Variants in NRG2 observed in about 807,000 individuals in gnomAD.
NRG2 encodes the protein pro-neuregulin-2, membrane-bound isoform.
In NRG2, 27 loss-of-function variants were observed where a neutral mutation model predicts 73.9. That is an observed-to-expected ratio of 0.37 (90% CI 0.27 to 0.50). The LOEUF (loss-of-function observed/expected upper bound fraction) is 0.50. Ranked by LOEUF, NRG2 falls within the 20% of genes least tolerant of loss-of-function variation. The pLI is 0.96. For missense variants in NRG2, 1,126 were observed against 1,210.1 expected (o/e 0.93, Z 1.03); for synonymous variants, 532 against 541.0 (o/e 0.98, Z 0.23).
chr5:139,855,007 G>A (rs1234196450), intron 6 of NRG2, among the ~76,000 whole-genome samples: 2 of 152,126 alleles, frequency 1.3e-5, no homozygotes, highest in Non-Finnish European at 2.9e-5. Context: ...GAGTACAGTT[G>A]ACCCTCATCT....
chr5:139,941,411 T>C (rs1045766706), intron 1 of NRG2, among the ~76,000 whole-genome samples: 4 of 152,192 alleles, frequency 2.6e-5, no homozygotes, highest in African/African-American at 9.7e-5. Context: ...TTAATTATGA[T>C]GCAAATCTAG....
In NRG2 at chr5:139,847,916, C is replaced by T. The variant is rs1307977263; in HGVS notation, c.*1G>A. The T allele has an allele frequency of 6.1e-6, 9 of 1,481,094 alleles. No homozygotes were observed. The highest frequency in any genetic ancestry group is 2.4e-4 in the Middle Eastern group (1 of 4,208). 91.7% of individuals were successfully genotyped at this position (1,481,094 alleles called of 1,614,324 possible). A position where few individuals can be genotyped will look rare whatever the true frequency, so the allele number is the denominator to read the frequency against. On this transcript the variant is annotated 3_prime_UTR_variant, in exon 10 of 10. Coordinates refer to ENST00000361474, the MANE Select transcript of NRG2 (RefSeq NM_004883.3). The stretch of plus-strand genomic sequence containing the variant: ...GGGGCGGAGGGGCGCGCGGCGGGGC[C>T]CTAGAGTGGCGCCGAGTCCTGCTTG...
intron 1 of NRG2, among the ~76,000 whole-genome samples, chr5:140,012,250 G>A (rs1759422931): frequency 6.6e-6 from 1 of 152,140 alleles, no homozygotes; most frequent in African/African-American, 2.4e-5. Flanking sequence ...CGGGGTTTAG[G>A]TATCCTTCAC....
At chr5:139,848,751 A>T in intron 9 of NRG2, 54 bp from the exon 10 acceptor site, 21 of 40,912 alleles carry the variant, frequency 5.1e-4, no homozygotes, top group African/African-American at 9.0e-4. Context: ...GGCGCGGGGG[A>T]GGGGGGGTTG....
At chr5:139,848,766 TGGG>T in intron 9 of NRG2, 69 bp from the exon 10 acceptor site, 1 of 34,408 alleles carries the variant, frequency 2.9e-5, no homozygotes, top group Non-Finnish European at 5.3e-5. Context: ...GGGTTGGGGG[TGGG>T]GTAGGGTGGG....
chr5:139,937,473 GA>G, intron 1 of NRG2, among the ~76,000 whole-genome samples: 1 of 150,270 alleles, frequency 6.7e-6, no homozygotes, highest in African/African-American at 2.4e-5. Flanking sequence ...AATGTAAGTG[GA>G]AAAAAAAAGA....
intron 1 of NRG2, among the ~76,000 whole-genome samples, chr5:139,903,011 G>A (rs1764985454): frequency 1.3e-5 from 2 of 152,318 alleles, no homozygotes; most frequent in African/African-American, 2.4e-5. Flanking sequence ...TGGAAATAGT[G>A]TTTGACGCCT....
chr5:139,998,826 G>A (rs1178610883), intron 1 of NRG2, among the ~76,000 whole-genome samples: 1 of 152,208 alleles, frequency 6.6e-6, no homozygotes, highest in African/African-American at 2.4e-5. Context: ...TATAGGAATA[G>A]GGGAAGATAG....
At chr5:140,022,258 C>A (rs1413940878) in intron 1 of NRG2, among the ~76,000 whole-genome samples, 1 of 152,178 alleles carries the variant, frequency 6.6e-6, no homozygotes, top group African/African-American at 2.4e-5. Context: ...CTACCAAAAT[C>A]CAACTTGACC....
At chr5:139,975,661 G>T (rs1756330144) in intron 1 of NRG2, among the ~76,000 whole-genome samples, 1 of 152,154 alleles carries the variant, frequency 6.6e-6, no homozygotes, top group Non-Finnish European at 1.5e-5. Context: ...AGGCTGGCTG[G>T]GGCAGCTGGG....
At chr5:139,857,509 CT>C (rs11302530) in intron 5 of NRG2, among the ~76,000 whole-genome samples, 10,164 of 152,036 alleles carry the variant, frequency 0.067, 922 homozygotes, top group African/African-American at 0.2. Context: ...GTGAACTGTG[CT>C]TGTCTCAGTG....
chr5:139,971,729 T>G (rs1755985099), intron 1 of NRG2, among the ~76,000 whole-genome samples: 2 of 152,326 alleles, frequency 1.3e-5, no homozygotes, highest in Admixed American at 1.3e-4. Context: ...GTGCAGGATC[T>G]ATCAATAGAA....
chr5:139,979,999 G>GAAACA (rs769415891), intron 1 of NRG2, among the ~76,000 whole-genome samples: 3 of 152,166 alleles, frequency 2.0e-5, no homozygotes, highest in Non-Finnish European at 2.9e-5. Context: ...GGTAACACCA[G>GAAACA]AAACAAAACA....
intron 1 of NRG2, among the ~76,000 whole-genome samples, chr5:140,030,425 A>G (rs1682433999): frequency 6.6e-6 from 1 of 152,186 alleles, no homozygotes; most frequent in African/African-American, 2.4e-5. Context: ...ACCATTCACC[A>G]GAGGCCCTGA....
chr5:139,990,065 G>C lies in NRG2; in HGVS notation c.700+52305C>G, dbSNP rs1035205843. Among the ~76,000 whole-genome samples the C allele has an allele frequency of 1.1e-4, 16 of 152,026 alleles. No homozygotes were observed. The South Asian group carries it at 3.3e-3, about 32-fold the overall frequency. ...GGCCTCCCAAAGTGCTGGGATTACA[G>C]GCGTGAGCCACTGTGCCTGGCCTTA... On this transcript the variant is annotated intron_variant, in intron 1 of 9. Coordinates refer to ENST00000361474, the MANE Select transcript of NRG2 (RefSeq NM_004883.3).
intron 1 of NRG2, among the ~76,000 whole-genome samples, chr5:139,918,400 A>G (rs1561679263): frequency 6.6e-6 from 1 of 152,176 alleles, no homozygotes; most frequent in African/African-American, 2.4e-5. Context: ...TTTTTAGCTA[A>G]AAAAAACTAA....
intron 5 of NRG2, among the ~76,000 whole-genome samples, chr5:139,858,385 T>A (rs1761940569): frequency 6.6e-6 from 1 of 152,120 alleles, no homozygotes; most frequent in Non-Finnish European, 1.5e-5. Context: ...CTCAGATAAA[T>A]CTTCCCTGAC....
chr5:139,962,258 G>A (rs1433230798), intron 1 of NRG2, among the ~76,000 whole-genome samples: 2 of 152,198 alleles, frequency 1.3e-5, no homozygotes, highest in Non-Finnish European at 2.9e-5. Context: ...GTGCCAGAAC[G>A]GGGGATAGCT....
At chr5:139,924,263 A>G (rs1751886755) in intron 1 of NRG2, among the ~76,000 whole-genome samples, 1 of 152,160 alleles carries the variant, frequency 6.6e-6, no homozygotes, top group Non-Finnish European at 1.5e-5. Context: ...TCAGAACTGA[A>G]CTCTCTCACA....
Sources: allele counts gnomAD v4.1 joint callset (sites outside exome capture counted in the v4.1 genomes callset), GRCh38; gene constraint gnomAD v4.1.1; transcripts MANE v1.5; gene names NCBI Gene and HGNC (gene_info 2026-07-23, HGNC 2026-07-21).